The following ZC2HC1B variants were observed in gnomAD, a reference collection of about 807,000 sequenced individuals.
ZC2HC1B encodes zinc finger C2HC domain-containing protein 1B.
ZC2HC1B carries 36 observed loss-of-function variants against 31.0 expected under a neutral mutation model. The observed-to-expected ratio is 1.16, with a 90% CI of 0.89 to 1.54. The LOEUF is 1.54. Among genes scored for constraint, ZC2HC1B ranks in the 40% most tolerant of loss-of-function variants. ZC2HC1B has a pLI of 0.00. For missense variants in ZC2HC1B, 260 were observed against 268.6 expected, an observed-to-expected ratio of 0.97 and a Z score of 0.22; for synonymous variants, 73 against 88.0, an observed-to-expected ratio of 0.83 and a Z score of 0.95.
At chr6:143,892,490 GT>G (rs1241415534) in intron 4 of ZC2HC1B, among the ~76,000 whole-genome samples, 11 of 152,184 alleles carry the variant, frequency 7.2e-5, no homozygotes, top group African/African-American at 2.6e-4. Context: ...TAGAGGTGGG[GT>G]TTCTCCATGT....
At position 143,934,493 on chromosome 6, in the gene ZC2HC1B, G is replaced by A. The variant is rs1778154961; in HGVS notation, c.599-3156G>A. On this transcript the variant is annotated intron_variant, in intron 6 of 7. Transcript: ENST00000237275. This position sits in a 1 kb window ranked among gnomAD's most constrained non-coding sequence, Gnocchi z 4.6. ...TGTTGCTGGAGAATTGTATTCCTTT[G>A]GAGGAGTCATATTTTCTTGCATTTT... Among the ~76,000 whole-genome samples the A allele has an allele frequency of 6.6e-6, 1 of 152,096 alleles. No individual in the cohort carries two copies. Among genetic ancestry groups the A allele is most frequent in the African/African-American group, 2.4e-5 (1 of 41,408 alleles).
rs1409159581 is a variant in ZC2HC1B at position 143,899,444 on chromosome 6, T to C, written c.489+753T>C. Among the ~76,000 whole-genome samples the C allele has an allele frequency of 6.6e-6, 1 of 152,246 alleles. No homozygotes were observed. Among genetic ancestry groups the C allele is most frequent in the East Asian group, 1.9e-4 (1 of 5,206 alleles). ...AGGCTGGAGTGCAATGGTGTAATCA[T>C]GGCTCATTGCAGCTTTGACCTCCCA... On this transcript the variant is annotated intron_variant, in intron 5 of 7. Transcript: ENST00000237275. This position sits in a 1 kb window ranked among gnomAD's most constrained non-coding sequence, Gnocchi z 5.0.
At chr6:143,896,846 T>C (rs1263334353) in intron 4 of ZC2HC1B, among the ~76,000 whole-genome samples, 1 of 151,772 alleles carries the variant, frequency 6.6e-6, no homozygotes, top group Non-Finnish European at 1.5e-5. Context: ...TCCTGTTCTA[T>C]TTTTTTTCAA....
chr6:143,878,865 CCTAT>C (rs1467316287), intron 1 of ZC2HC1B, among the ~76,000 whole-genome samples: 17 of 152,224 alleles, frequency 1.1e-4, no homozygotes, highest in African/African-American at 3.1e-4. Context: ...TCTATACCTA[CCTAT>C]CTGTGTTTGC....
rs112839186 is a variant in ZC2HC1B at position 143,893,832 on chromosome 6, A to T, written c.350-4720A>T. ...CTCCCAAGTAGCTGGGACTACAGGC[A>T]CCCACCACCACACCCAGCTAATGTT... On this transcript the variant is annotated intron_variant, in intron 4 of 7. Coordinates refer to ENST00000237275, the MANE Select transcript of ZC2HC1B (RefSeq NM_001013623.3). Among the ~76,000 whole-genome samples the T allele has an allele frequency of 7.3e-3, 1,103 of 151,892 alleles. 13 individuals are homozygous for T. The highest frequency in any genetic ancestry group is 0.025 in the African/African-American group (1,048 of 41,424).
In ZC2HC1B at chr6:143,931,884, A is replaced by G. The variant is rs575342013; in HGVS notation, c.599-5765A>G. ...TTCTTCTTTTTTTTTTTTTTTTTTA[A>G]CGGAGTTTCACTTTTGTTGCCCAAA... On this transcript the variant is annotated intron_variant, in intron 6 of 7. Coordinates refer to ENST00000237275, the MANE Select transcript of ZC2HC1B (RefSeq NM_001013623.3). 4.7e-3 allele frequency among the ~76,000 whole-genome samples: 640 copies of G among 137,280 alleles called. 5 individuals are homozygous for G. Among genetic ancestry groups the G allele is most frequent in the African/African-American group, 0.017 (609 of 35,860 alleles). The allele number at this position is 137,280 out of a possible 152,430, so 90.1% of individuals were successfully genotyped here. A position where few individuals can be genotyped will look rare whatever the true frequency, so the allele number is the denominator to read the frequency against.
At chr6:143,878,262 T>C (rs148915134) in intron 1 of ZC2HC1B, among the ~76,000 whole-genome samples, 1 of 150,992 alleles carries the variant, frequency 6.6e-6, no homozygotes, top group Admixed American at 6.6e-5. Context: ...CCATGGGCTA[T>C]TTAGTGCCAC....
At chr6:143,875,738 G>A (rs1291995794) in intron 1 of ZC2HC1B, among the ~76,000 whole-genome samples, 1 of 150,678 alleles carries the variant, frequency 6.6e-6, no homozygotes, top group Non-Finnish European at 1.5e-5. Context: ...AAACAGAGGT[G>A]TTGGAGGTGG....
chr6:143,879,796 T>TG (rs1217864824), intron 1 of ZC2HC1B, among the ~76,000 whole-genome samples: 21 of 151,198 alleles, frequency 1.4e-4, no homozygotes, highest in South Asian at 8.3e-4. Context: ...TTTTTGTTTT[T>TG]TTTTTTTTCC....
Position 143,883,385 on chromosome 6 carries a change from G to C in ZC2HC1B, c.29-919G>C, listed in dbSNP as rs1010434676. 2.6e-5 allele frequency among the ~76,000 whole-genome samples: 4 copies of C among 152,058 alleles called. No individual in the cohort carries two copies. Among genetic ancestry groups the C allele is most frequent in the African/African-American group, 9.7e-5 (4 of 41,408 alleles). ...ACTCCGCTCTTCTCCCACTATACTC[G>C]CAATCCATTTGCCCCTTCTTGCCTT... On this transcript the variant is annotated intron_variant, in intron 1 of 7. Coordinates refer to ENST00000237275, the MANE Select transcript of ZC2HC1B (RefSeq NM_001013623.3). This position sits in a 1 kb window ranked among gnomAD's most constrained non-coding sequence, Gnocchi z 4.1.
intron 6 of ZC2HC1B, among the ~76,000 whole-genome samples, chr6:143,935,285 G>A (rs554553968): frequency 3.3e-5 from 5 of 152,108 alleles, no homozygotes; most frequent in Non-Finnish European, 7.4e-5. Flanking sequence ...TGATCCCCAG[G>A]CCCCAACAAT....
chr6:143,867,054 A>G (rs960941468), intron 1 of ZC2HC1B, among the ~76,000 whole-genome samples: 1 of 152,246 alleles, frequency 6.6e-6, no homozygotes, highest in Non-Finnish European at 1.5e-5. Flanking sequence ...TTCATGCACA[A>G]AAGTATTTAA....
Position 143,869,484 on chromosome 6 carries a change from CCTCT to C in ZC2HC1B, c.28+4924_28+4927del, listed in dbSNP as rs906011118. Among the ~76,000 whole-genome samples the C allele has an allele frequency of 3.3e-5, 5 of 152,130 alleles. No homozygotes were observed. The highest frequency in any genetic ancestry group is 1.2e-4 in the African/African-American group (5 of 41,438). ...CACTTCTTTATCTGTAAAGTGAGTGCCTCTCTCTCTGTAAAGAGAGGCAATGCTG... is the reference window on the plus strand; with the variant it reads ...CACTTCTTTATCTGTAAAGTGAGTGCCTCTCTGTAAAGAGAGGCAATGCTG... On this transcript the variant is annotated intron_variant, in intron 1 of 7. Coordinates refer to ENST00000237275, the MANE Select transcript of ZC2HC1B (RefSeq NM_001013623.3). This position sits in a 1 kb window ranked among gnomAD's most constrained non-coding sequence, Gnocchi z 5.2.
Position 143,923,852 on chromosome 6 carries a change from T to G in ZC2HC1B, c.599-13797T>G, listed in dbSNP as rs1778007467. 6.6e-6 allele frequency among the ~76,000 whole-genome samples: 1 copy of G among 152,140 alleles called. No individual in the cohort carries two copies. Among genetic ancestry groups the G allele is most frequent in the Non-Finnish European group, 1.5e-5 (1 of 67,972 alleles). On this transcript the variant is annotated intron_variant, in intron 6 of 7. Coordinates refer to ENST00000237275, the MANE Select transcript of ZC2HC1B (RefSeq NM_001013623.3). The surrounding 1 kb of genome is among the most constrained non-coding windows in gnomAD (Gnocchi z 4.8). Reference sequence around the variant, plus strand: ...ATCTTGCTGTTTTAGTTACTACAGCTTTTTAATATATTTTGAAATCAGGTA... The same window carrying G: ...ATCTTGCTGTTTTAGTTACTACAGCGTTTTAATATATTTTGAAATCAGGTA...
intron 6 of ZC2HC1B, among the ~76,000 whole-genome samples, chr6:143,926,020 G>C (rs1778037098): frequency 6.6e-6 from 1 of 151,734 alleles, no homozygotes; most frequent in African/African-American, 2.4e-5. Context: ...TATTTTCTTG[G>C]TTAGTCTAGC....
In ZC2HC1B at chr6:143,898,605, C is replaced by G. The variant is rs138690701; in HGVS notation, c.403C>G (p.Arg135Gly). The change falls in exon 5 of 8, where the codon CGA becomes GGA. Residue 135 changes from arginine to glycine, a missense_variant. Physicochemically the swap from Arg to Gly is moderately radical, Grantham distance 125. Transcript: ENST00000237275. ...MRRFNESAAERHTNFCKDQSS... is the reference protein window; with the variant it reads ...MRRFNESAAEGHTNFCKDQSS... Reference sequence around the variant, plus strand: ...AAGGTTTAATGAAAGCGCAGCTGAGCGACATACTAATTTCTGCAAGGATCA... The same window carrying G: ...AAGGTTTAATGAAAGCGCAGCTGAGGGACATACTAATTTCTGCAAGGATCA... 2 of 1,551,686 alleles carry G rather than the reference C, an allele frequency of 1.3e-6. No individual in the cohort carries two copies. Among genetic ancestry groups the G allele is most frequent in the Non-Finnish European group, 1.7e-6 (2 of 1,146,998 alleles).
chr6:143,883,969 C>T lies in ZC2HC1B; in HGVS notation c.29-335C>T, dbSNP rs1426239359. ...GATGTTACCACTGGTGGTAAAAATACCACCTTATACTAAGGTATTTTTTTG... is the reference window on the plus strand; with the variant it reads ...GATGTTACCACTGGTGGTAAAAATATCACCTTATACTAAGGTATTTTTTTG... On this transcript the variant is annotated intron_variant, in intron 1 of 7. Transcript: ENST00000237275. The surrounding 1 kb of genome is among the most constrained non-coding windows in gnomAD (Gnocchi z 4.1). Among the ~76,000 whole-genome samples the T allele has an allele frequency of 1.1e-4, 17 of 152,114 alleles. No individual in the cohort carries two copies. Among genetic ancestry groups the T allele is most frequent in the Admixed American group, 1.1e-3 (17 of 15,268 alleles).
rs1778005175 is a variant in ZC2HC1B, at chr6:143,923,645, T to A, written c.599-14004T>A. Among the ~76,000 whole-genome samples the A allele has an allele frequency of 6.6e-6, 1 of 152,098 alleles. No individual in the cohort carries two copies. Among genetic ancestry groups the A allele is most frequent in the South Asian group, 2.1e-4 (1 of 4,832 alleles). ...TTTTGTATATTGTGAGACATAGGGA[T>A]CTAGTTTCATTTTTCTGTACTTGGA... On this transcript the variant is annotated intron_variant, in intron 6 of 7. Coordinates refer to ENST00000237275, the MANE Select transcript of ZC2HC1B (RefSeq NM_001013623.3). This position sits in a 1 kb window ranked among gnomAD's most constrained non-coding sequence, Gnocchi z 4.8.
chr6:143,924,208 T>G lies in ZC2HC1B; in HGVS notation c.599-13441T>G, dbSNP rs1341315444. Among the ~76,000 whole-genome samples the G allele has an allele frequency of 6.6e-6, 1 of 152,006 alleles. No individual in the cohort carries two copies. Among genetic ancestry groups the G allele is most frequent in the African/African-American group, 2.4e-5 (1 of 41,436 alleles). ...TAAGTATTTTATTTTTTGTAGCTAT[T>G]GTAAATGAGATTGTTTTCTTTTTTA... On this transcript the variant is annotated intron_variant, in intron 6 of 7. Transcript: ENST00000237275. This position sits in a 1 kb window ranked among gnomAD's most constrained non-coding sequence, Gnocchi z 5.2.
Sources: allele counts gnomAD v4.1 joint callset (sites outside exome capture counted in the v4.1 genomes callset), GRCh38; gene constraint gnomAD v4.1.1; non-coding constraint Gnocchi (gnomAD v3.1); transcripts MANE v1.5; gene names NCBI Gene and HGNC (gene_info 2026-07-23, HGNC 2026-07-21).